Variants in GRM7 observed in about 807,000 individuals in gnomAD.
GRM7 encodes metabotropic glutamate receptor 7.
A neutral mutation model predicts 84.5 loss-of-function variants in GRM7; 35 were observed. The ratio of observed to expected loss-of-function variants is 0.41; its 90% CI spans 0.32 to 0.55. The LOEUF (loss-of-function observed/expected upper bound fraction) is 0.55, where lower values mean the gene tolerates loss of function less well. GRM7 is among the 20% of genes least tolerant of loss of function. The pLI, the probability that GRM7 is intolerant of heterozygous loss-of-function variation, is 0.19. For missense variants in GRM7, 1,003 were observed against 1,194.6 expected (o/e 0.84, Z 2.36); for synonymous variants, 487 against 455.1 (o/e 1.07, Z -0.89).
At chr3:7,115,990 A>G (rs531368353) in intron 1 of GRM7, among the ~76,000 whole-genome samples, 1 of 152,274 alleles carries the variant, frequency 6.6e-6, no homozygotes, top group South Asian at 2.1e-4. Context: ...CAAACCTTAG[A>G]TTCTTCCAGA....
chr3:7,707,759 C>T (rs1252766135), intron 9 of GRM7, among the ~76,000 whole-genome samples: 5 of 152,138 alleles, frequency 3.3e-5, no homozygotes, highest in Non-Finnish European at 7.4e-5. Flanking sequence ...AAATTCCAAG[C>T]TCCCTTTGTC....
At chr3:7,153,079 G>A (rs1218541134) in intron 2 of GRM7, among the ~76,000 whole-genome samples, 1 of 150,558 alleles carries the variant, frequency 6.6e-6, no homozygotes, top group Non-Finnish European at 1.5e-5. Context: ...ACAATCTCCA[G>A]CTTCCCTCTT....
chr3:7,011,835 C>G (rs1695379542), intron 1 of GRM7, among the ~76,000 whole-genome samples: 1 of 152,078 alleles, frequency 6.6e-6, no homozygotes, highest in Admixed American at 6.6e-5. Context: ...GTAATAGAAA[C>G]AGTGGGAAAG....
Position 7,334,234 on chromosome 3 carries a change from A to G in GRM7, c.1033+27582A>G, listed in dbSNP as rs945169994. Among the ~76,000 whole-genome samples the G allele has an allele frequency of 6.6e-5, 10 of 152,214 alleles. No individual in the cohort carries two copies. In the South Asian group the frequency reaches 1.7e-3, roughly 25 times the overall value. ...AAGTATCACCTGTAAAGGAAAACCT[A>G]TCAGATTAACAGCAGATTTCTCGGC... is the stretch of plus-strand genomic sequence containing the variant. On this transcript the variant is annotated intron_variant, in intron 4 of 9. Transcript: ENST00000357716.
chr3:7,653,378 G>A (rs9881908), intron 8 of GRM7, among the ~76,000 whole-genome samples: 91,648 of 151,578 alleles, frequency 0.6, 28,426 homozygotes, highest in African/African-American at 0.73. Flanking sequence ...ATTGTGTTCA[G>A]ATGTGGTCCA....
At chr3:6,946,103 C>G (rs187707304) in intron 1 of GRM7, among the ~76,000 whole-genome samples, 310 of 152,236 alleles carry the variant, frequency 2.0e-3, no homozygotes, top group African/African-American at 7.2e-3. Context: ...GTTGCCATTG[C>G]TTTTGGTGTT....
At chr3:6,909,584 A>G (rs1170203966) in intron 1 of GRM7, among the ~76,000 whole-genome samples, 1 of 152,124 alleles carries the variant, frequency 6.6e-6, no homozygotes, top group East Asian at 1.9e-4. Flanking sequence ...GTCTTGCAGG[A>G]CAGAAATTAA....
At chr3:7,251,313 A>T (rs1198368650) in intron 2 of GRM7, among the ~76,000 whole-genome samples, 1 of 151,694 alleles carries the variant, frequency 6.6e-6, no homozygotes, top group Admixed American at 6.6e-5. Context: ...AAAAAAAAAA[A>T]TGTACTAGGC....
intron 7 of GRM7, among the ~76,000 whole-genome samples, chr3:7,497,125 C>T (rs1178800065): frequency 6.6e-6 from 1 of 151,948 alleles, no homozygotes; most frequent in Non-Finnish European, 1.5e-5. Flanking sequence ...CTAGCATGGT[C>T]ATGAAGTGGC....
intron 7 of GRM7, among the ~76,000 whole-genome samples, chr3:7,529,980 T>G (rs947996461): frequency 2.0e-5 from 3 of 151,368 alleles, no homozygotes; most frequent in African/African-American, 2.4e-5. Context: ...TTGGGATACA[T>G]GTGCAGAACG....
chr3:7,169,671 C>T (rs1694919915), intron 2 of GRM7, among the ~76,000 whole-genome samples: 1 of 152,152 alleles, frequency 6.6e-6, no homozygotes, highest in Admixed American at 6.5e-5. Context: ...TTTTCATCCC[C>T]TTATGACACG....
At chr3:7,313,730 A>C (rs986864830) in intron 4 of GRM7, among the ~76,000 whole-genome samples, 2 of 152,194 alleles carry the variant, frequency 1.3e-5, no homozygotes, top group African/African-American at 4.8e-5. Flanking sequence ...ACAGGAAATA[A>C]TATTTTGGTA....
chr3:7,574,957 A>G lies in GRM7; in HGVS notation c.1516-3465A>G, dbSNP rs542502782. 3.9e-5 allele frequency among the ~76,000 whole-genome samples: 6 copies of G among 152,212 alleles called. No homozygotes were observed. In the South Asian group the frequency reaches 1.0e-3, roughly 26 times the overall value. On this transcript the variant is annotated intron_variant, in intron 7 of 9. Transcript: ENST00000357716. ...CCTGTCTGTCTGAGTTTCTTTTTTTAAGTTAACAATGGCATATTCGTTCTT... is the reference window on the plus strand; with the variant it reads ...CCTGTCTGTCTGAGTTTCTTTTTTTGAGTTAACAATGGCATATTCGTTCTT...
chr3:7,324,774 G>T (rs1224219373), intron 4 of GRM7, among the ~76,000 whole-genome samples: 1 of 151,844 alleles, frequency 6.6e-6, no homozygotes, highest in Non-Finnish European at 1.5e-5. Flanking sequence ...GCATAGAGGG[G>T]CCCTCAGAAT....
At chr3:6,927,863 G>A (rs936938528) in intron 1 of GRM7, among the ~76,000 whole-genome samples, 2 of 151,774 alleles carry the variant, frequency 1.3e-5, no homozygotes, top group East Asian at 1.9e-4. Flanking sequence ...CCTATTATTC[G>A]GCACTTAAGT....
chr3:6,882,142 G>T (rs1695536407), intron 1 of GRM7, among the ~76,000 whole-genome samples: 1 of 151,926 alleles, frequency 6.6e-6, no homozygotes, highest in South Asian at 2.1e-4. Context: ...TCTTTGAAAG[G>T]TATAGCATAC....
chr3:6,924,344 A>G (rs1697227216), intron 1 of GRM7, among the ~76,000 whole-genome samples: 1 of 152,190 alleles, frequency 6.6e-6, no homozygotes, highest in Admixed American at 6.5e-5. Flanking sequence ...AAGCATTTTG[A>G]CCTTTCATCA....
chr3:7,419,141 C>G (rs1038619849), intron 5 of GRM7, among the ~76,000 whole-genome samples: 1 of 151,982 alleles, frequency 6.6e-6, no homozygotes, highest in Non-Finnish European at 1.5e-5. Flanking sequence ...AATCAGAAAA[C>G]AAGTACGTAA....
At chr3:7,691,838 T>C (rs1700812234) in intron 9 of GRM7, among the ~76,000 whole-genome samples, 1 of 152,036 alleles carries the variant, frequency 6.6e-6, no homozygotes, top group South Asian at 2.1e-4. Flanking sequence ...TTTTTGTATT[T>C]TTAGTGGATA....
Sources: gnomAD v4.1 joint callset for allele counts (sites outside exome capture counted in the v4.1 genomes callset) on GRCh38, gnomAD v4.1.1 for gene constraint, MANE v1.5 for transcripts, NCBI Gene and HGNC (gene_info 2026-07-23, HGNC 2026-07-21) for gene names.